GSG1L: variants seen among roughly 807,000 people sequenced by gnomAD.
GSG1L encodes the protein GSG1 like, also known as germ cell-specific gene 1-like protein.
GSG1L carries 24 observed loss-of-function variants against 42.1 expected under a neutral mutation model. The ratio of observed to expected loss-of-function variants is 0.57; its 90% CI spans 0.41 to 0.80. The LOEUF (loss-of-function observed/expected upper bound fraction) is 0.80. GSG1L is among the 30% of genes least tolerant of loss of function. The pLI is 0.00. For synonymous variants in GSG1L, 215 were observed against 203.5 expected, an observed-to-expected ratio of 1.06 and a Z score of -0.48; for missense variants, 445 against 472.2, an observed-to-expected ratio of 0.94 and a Z score of 0.53.
chr16:27,872,510 G>A (rs1213741267), intron 3 of GSG1L, among the ~76,000 whole-genome samples: 2 of 152,130 alleles, frequency 1.3e-5, no homozygotes, highest in East Asian at 1.9e-4. Context: ...CTTGACGAGG[G>A]GCTGGGTAAA....
At chr16:27,934,803 C>T (rs1481557533) in intron 2 of GSG1L, among the ~76,000 whole-genome samples, 1 of 152,138 alleles carries the variant, frequency 6.6e-6, no homozygotes, top group South Asian at 2.1e-4. Flanking sequence ...GCACCTATTT[C>T]CTGGGGCTGT....
chr16:27,841,616 G>A (rs1193641013), intron 4 of GSG1L, among the ~76,000 whole-genome samples: 4 of 152,210 alleles, frequency 2.6e-5, no homozygotes, highest in Non-Finnish European at 5.9e-5. Flanking sequence ...ATGACATGGT[G>A]CAGCCCTGGC....
intron 2 of GSG1L, among the ~76,000 whole-genome samples, chr16:27,948,908 C>CTACTATTATTATTATTATTAT (rs2084919080): frequency 7.1e-6 from 1 of 141,360 alleles, no homozygotes; most frequent in Non-Finnish European, 1.5e-5. Flanking sequence ...CGCACCTGAT[C>CTACTATTATTATTATTATTAT]TATTATTATT....
chr16:27,892,008 C>G (rs1375610417), intron 2 of GSG1L, among the ~76,000 whole-genome samples: 6 of 148,886 alleles, frequency 4.0e-5, no homozygotes, highest in Non-Finnish European at 8.9e-5. Context: ...CACCTGGGCA[C>G]TTGTGGTGCA....
In GSG1L at chr16:27,795,245, G is replaced by C. The variant is rs146330558; in HGVS notation, c.899-3778C>G. Among the ~76,000 whole-genome samples the C allele has an allele frequency of 3.8e-3, 574 of 152,140 alleles. 1 individual carries two copies. The highest frequency in any genetic ancestry group is 5.8e-3 in the Non-Finnish European group (393 of 67,990). Reference sequence around the variant, plus strand: ...AGGGGAGAGAGTGATTCCTGCGCTTGGGATGCACCTGCTCTACCTGCTCTG... The same window carrying C: ...AGGGGAGAGAGTGATTCCTGCGCTTCGGATGCACCTGCTCTACCTGCTCTG... On this transcript the variant is annotated intron_variant, in intron 6 of 6. Coordinates refer to ENST00000447459, the MANE Select transcript of GSG1L (RefSeq NM_001109763.2).
chr16:28,047,328 A>T (rs2086172753), intron 1 of GSG1L, among the ~76,000 whole-genome samples: 3 of 152,228 alleles, frequency 2.0e-5, no homozygotes, highest in Admixed American at 1.3e-4. Flanking sequence ...CAGAATTAAT[A>T]TCAGTATGCA....
intron 2 of GSG1L, among the ~76,000 whole-genome samples, chr16:27,913,791 C>T (rs952896234): frequency 6.6e-6 from 1 of 151,854 alleles, no homozygotes; most frequent in South Asian, 2.1e-4. Flanking sequence ...AGTCTGCTGC[C>T]CCAGGGCTAC....
At chr16:27,946,784 T>C (rs1245111033) in intron 2 of GSG1L, among the ~76,000 whole-genome samples, 1 of 152,030 alleles carries the variant, frequency 6.6e-6, no homozygotes, top group South Asian at 2.1e-4. Flanking sequence ...TTTAGCTGAG[T>C]AGAAATAAAC....
intron 3 of GSG1L, among the ~76,000 whole-genome samples, chr16:27,865,574 CACACACACAT>C (rs1171781933): frequency 1.1e-3 from 12 of 10,838 alleles, no homozygotes; most frequent in African/African-American, 5.8e-3. Context: ...TATATATATA[CACACACACAT>C]ACATACATAC....
chr16:28,063,407 G>A lies in GSG1L; in HGVS notation c.18C>T (p.Arg6=). Residue 6 remains arginine, a synonymous_variant, in exon 1 of 7, where the codon CGC becomes CGT. Coordinates refer to ENST00000447459, the MANE Select transcript of GSG1L (RefSeq NM_001109763.2). This position sits in a 1 kb window ranked among gnomAD's most constrained non-coding sequence, Gnocchi z 5.8. ...GGGCCACGGCCAGGAGCGCTCGGCC[G>A]CGGCGGCTAGTCTTCATGCCGCCCG... MKTSR[R]GRALLAVALN... The A allele has an allele frequency of 7.6e-7, 1 of 1,318,936 alleles. No homozygotes were observed. Among genetic ancestry groups the A allele is most frequent in the Admixed American group, 3.0e-5 (1 of 33,068 alleles). The allele number at this position is 1,318,936 out of a possible 1,614,324, so 81.7% of individuals were successfully genotyped here.
chr16:27,914,899 A>G (rs1342374473), intron 2 of GSG1L, among the ~76,000 whole-genome samples: 4 of 152,130 alleles, frequency 2.6e-5, no homozygotes, highest in Non-Finnish European at 5.9e-5. Context: ...TAAAAATAAC[A>G]AGTGTCTGGA....
At chr16:27,814,741 G>A (rs1413129908) in intron 5 of GSG1L, among the ~76,000 whole-genome samples, 2 of 151,494 alleles carry the variant, frequency 1.3e-5, no homozygotes, top group African/African-American at 4.9e-5. Context: ...AGGGAGGTGA[G>A]GGAGGGAGGA....
chr16:27,913,266 C>T lies in GSG1L; in HGVS notation c.398-28628G>A, dbSNP rs1596608894. Among the ~76,000 whole-genome samples the T allele has an allele frequency of 3.3e-5, 5 of 152,138 alleles. No homozygotes were observed. In the East Asian group the frequency reaches 9.6e-4, roughly 29 times the overall value. On this transcript the variant is annotated intron_variant, in intron 2 of 6. Transcript: ENST00000447459. ...AAAAGATACAGTGTATTTAATGATA[C>T]TAACTTGTCGCGAAACTGAACAAAT...
chr16:27,970,716 A>G (rs1413970145), intron 1 of GSG1L, among the ~76,000 whole-genome samples: 2 of 151,978 alleles, frequency 1.3e-5, no homozygotes, highest in Non-Finnish European at 2.9e-5. Flanking sequence ...GTTATACCTA[A>G]GAAGGGTGTG....
intron 1 of GSG1L, among the ~76,000 whole-genome samples, chr16:27,967,742 A>G (rs1418585997): frequency 1.3e-5 from 2 of 152,124 alleles, no homozygotes. Context: ...GAGAAACCCC[A>G]TCTCTGATAA....
chr16:27,861,216 T>C (rs1263401559), intron 3 of GSG1L, among the ~76,000 whole-genome samples: 1 of 151,648 alleles, frequency 6.6e-6, no homozygotes, highest in African/African-American at 2.4e-5. Context: ...AAAAAATATA[T>C]ATATACAAAA....
intron 1 of GSG1L, among the ~76,000 whole-genome samples, chr16:28,014,648 C>T (rs980957327): frequency 2.9e-5 from 4 of 139,658 alleles, no homozygotes; most frequent in African/African-American, 5.2e-5. Context: ...GGACTACAGG[C>T]ACGCTATTTT....
intron 4 of GSG1L, among the ~76,000 whole-genome samples, chr16:27,840,848 C>T (rs1231183120): frequency 1.3e-5 from 2 of 152,200 alleles, no homozygotes; most frequent in East Asian, 1.9e-4. Context: ...CGCCAGCCAC[C>T]GCCAGCCGGC....
chr16:27,888,417 T>TTTTCTTTTCTCC (rs2084058226), intron 2 of GSG1L, among the ~76,000 whole-genome samples: 1 of 17,732 alleles, frequency 5.6e-5, no homozygotes, highest in Non-Finnish European at 2.0e-4. Flanking sequence ...TCTTTCTTTC[T>TTTTCTTTTCTCC]TTCTTTCTTT....
Sources: gnomAD v4.1 joint callset for allele counts (sites outside exome capture counted in the v4.1 genomes callset) on GRCh38, gnomAD v4.1.1 for gene constraint, Gnocchi (gnomAD v3.1) non-coding constraint, MANE v1.5 for transcripts, NCBI Gene and HGNC (gene_info 2026-07-23, HGNC 2026-07-21) for gene names.